Variants in CCDC80 observed in about 807,000 individuals in gnomAD.
The protein encoded by CCDC80 is coiled-coil domain-containing protein 80.
In CCDC80, 49 loss-of-function variants were observed where a neutral mutation model predicts 78.7. The observed-to-expected ratio is 0.62, with a 90% CI of 0.50 to 0.79. CCDC80 has a LOEUF of 0.79. CCDC80 is among the 30% of genes least tolerant of loss of function. CCDC80 has a pLI of 0.00. For synonymous variants in CCDC80, 488 were observed against 447.0 expected, an observed-to-expected ratio of 1.09 and a Z score of -1.16; for missense variants, 1,205 against 1,198.6, an observed-to-expected ratio of 1.01 and a Z score of -0.08.
In CCDC80 at chr3:112,638,460, T is replaced by C. The variant is rs1258832726; in HGVS notation, c.1446A>G (p.Pro482=). ...TCTCCTTTGCTGGCTTGGGAGGACC[T>C]GGCACCACATTTGGGTCTCGGTGGC... The part of the protein sequence containing the change: ...EHGHRDPNVV[P]GPPKPAKEKP... The change falls in exon 2 of 8, where the codon CCA becomes CCG. Residue 482 remains proline (P), a synonymous_variant. Transcript: ENST00000206423. 6.2e-7 allele frequency: 1 copy of C among 1,612,812 alleles called. No individual in the cohort carries two copies. The highest frequency in any genetic ancestry group is 1.7e-5 in the Admixed American group (1 of 59,906).
chr3:112,619,899 T>C (rs1935828282), intron 3 of CCDC80, among the ~76,000 whole-genome samples: 1 of 152,198 alleles, frequency 6.6e-6, no homozygotes, highest in Admixed American at 6.5e-5. Context: ...AAGAGCTTTA[T>C]TTACTTCTTC....
intron 5 of CCDC80, among the ~76,000 whole-genome samples, chr3:112,615,734 C>G (rs753583558): frequency 6.6e-6 from 1 of 152,116 alleles, no homozygotes; most frequent in African/African-American, 2.4e-5. Context: ...CCAAAATCCA[C>G]CAAAATCAAA....
Position 112,605,526 on chromosome 3 carries a change from T to G in CCDC80, c.2744A>C (p.Glu915Ala). The G allele has an allele frequency of 6.2e-7, 1 of 1,614,216 alleles. No individual in the cohort carries two copies. Residue 915 changes from glutamate to alanine, a missense_variant, in exon 8 of 8, where the codon GAA (glutamate) becomes GCA (alanine). By Grantham distance (107) the Glu-to-Ala change is moderately radical. Coordinates refer to ENST00000206423, the MANE Select transcript of CCDC80 (RefSeq NM_199511.3). The part of the protein sequence containing the change: ...IQQSLGMRCP[E>A]DEYAGYGYHS... Reference sequence around the variant, plus strand: ...GTAACCATAGCCTGCATACTCATCTTCTGGGCAGCGCATCCCCAGTGACTG... The same window carrying G: ...GTAACCATAGCCTGCATACTCATCTGCTGGGCAGCGCATCCCCAGTGACTG...
rs1218114017 is a variant in CCDC80, at chr3:112,624,097, A to C, written c.2036-4993T>G. Among the ~76,000 whole-genome samples the C allele has an allele frequency of 2.0e-5, 3 of 152,342 alleles. No homozygotes were observed. In the East Asian group the frequency reaches 5.8e-4, roughly 29 times the overall value. ...CATAAGAAAGATATATGAAAAAGACAGTAATAAGGTATAGATAAGGTGAGT... is the reference window on the plus strand; with the variant it reads ...CATAAGAAAGATATATGAAAAAGACCGTAATAAGGTATAGATAAGGTGAGT... On this transcript the variant is annotated intron_variant, in intron 3 of 7. Transcript: ENST00000206423.
intron 2 of CCDC80, among the ~76,000 whole-genome samples, chr3:112,635,067 A>T (rs544133331): frequency 3.3e-5 from 5 of 152,310 alleles, no homozygotes; most frequent in African/African-American, 1.2e-4. Flanking sequence ...TAATCTAAAA[A>T]TAGGACACCT....
chr3:112,626,904 A>AT (rs1935987080), intron 3 of CCDC80, among the ~76,000 whole-genome samples: 1 of 151,934 alleles, frequency 6.6e-6, no homozygotes, highest in African/African-American at 2.4e-5. Flanking sequence ...AGAAATCAAC[A>AT]TTTTCTCTCT....
rs767380051 is a variant in CCDC80, at chr3:112,601,697, G to GAAAAAA, written c.*3719_*3720insTTTTTT. On this transcript the variant is annotated 3_prime_UTR_variant, in exon 8 of 8. Transcript: ENST00000206423. The stretch of plus-strand genomic sequence containing the variant: ...CTCTCCAAAAAAAGAAAAAAAAAAA[G>GAAAAAA]AGAAAAAAAAGAAGCAGCAGCAACG... The GAAAAAA allele has an allele frequency of 6.5e-5, 3 of 46,140 alleles. No homozygotes were observed. The highest frequency in any genetic ancestry group is 1.2e-4 in the African/African-American group (3 of 25,442). The allele number at this position is 46,140 out of a possible 1,614,324, so 2.9% of individuals were successfully genotyped here. A position where few individuals can be genotyped will look rare whatever the true frequency, so the allele number is the denominator to read the frequency against.
At chr3:112,621,787 A>G (rs1168742651) in intron 3 of CCDC80, among the ~76,000 whole-genome samples, 1 of 152,146 alleles carries the variant, frequency 6.6e-6, no homozygotes, top group Non-Finnish European at 1.5e-5. Flanking sequence ...CCCCTACCAT[A>G]GGACAGCTCA....
intron 3 of CCDC80, among the ~76,000 whole-genome samples, chr3:112,627,686 T>C (rs1002621317): frequency 2.0e-5 from 3 of 152,200 alleles, no homozygotes; most frequent in Admixed American, 6.5e-5. Flanking sequence ...CTCCCAGTCT[T>C]GGCTCACAGT....
chr3:112,638,922 C>T lies in CCDC80; in HGVS notation c.984G>A (p.Val328=). 6.2e-7 allele frequency: 1 copy of T among 1,613,320 alleles called. No individual in the cohort carries two copies. ...AQVPPTRESR[V]KVLRKLAATA... ...TGGCGGCCAGTTTTCTCAGGACCTT[C>T]ACCCGACTCTCTCTGGTTGGTGGGA... The change falls in exon 2 of 8, where the codon GTG becomes GTA. Residue 328 remains valine, a synonymous_variant. Coordinates refer to ENST00000206423, the MANE Select transcript of CCDC80 (RefSeq NM_199511.3).
rs190345309 is a variant in CCDC80, at chr3:112,640,040, T to G, written c.-11-124A>C. 2.1e-6 allele frequency: 3 copies of G among 1,437,810 alleles called. No homozygotes were observed. In the African/African-American group the frequency reaches 4.3e-5, roughly 21 times the overall value. 89.1% of individuals were successfully genotyped at this position (1,437,810 alleles called of 1,614,324 possible). A position where few individuals can be genotyped will look rare whatever the true frequency, so the allele number is the denominator to read the frequency against. ...CTCAGCCAAGGGGAGGGGAAAAGGT[T>G]GGTTAGAGAGAAGGAGGGAGGTCAG... On this transcript the variant is annotated intron_variant, in intron 1 of 7. Transcript: ENST00000206423.
chr3:112,639,169 T>G lies in CCDC80; in HGVS notation c.737A>C (p.Glu246Ala). 5 of 1,614,096 alleles carry G rather than the reference T, an allele frequency of 3.1e-6. No homozygotes were observed. The highest frequency in any genetic ancestry group is 4.2e-6 in the Non-Finnish European group (5 of 1,180,014). The change falls in exon 2 of 8, where the codon GAG becomes GCG. Residue 246 changes from glutamate (E) to alanine (A), a missense_variant. Coordinates refer to ENST00000206423, the MANE Select transcript of CCDC80 (RefSeq NM_199511.3). ...CAGCCTAACGGGATATGGATAGCGC[T>G]CCTCCACCTGCAGCGTCTTCTTCAG... ...VLLKKTLQVEERYPYPVRLEA... is the reference protein window; with the variant it reads ...VLLKKTLQVEARYPYPVRLEA...
rs1207273089 is a variant in CCDC80, at chr3:112,597,231, C to T, written c.*8186G>A. On this transcript the variant is annotated 3_prime_UTR_variant, in exon 8 of 8. Transcript: ENST00000206423. ...TTTTCTGGTCTAATTAAACCATAGTCTTCATATACCTTTACCACGCCTCCT... is the reference window on the plus strand; with the variant it reads ...TTTTCTGGTCTAATTAAACCATAGTTTTCATATACCTTTACCACGCCTCCT... 6.6e-6 allele frequency: 1 copy of T among 152,174 alleles called. No homozygotes were observed. Among genetic ancestry groups the T allele is most frequent in the Non-Finnish European group, 1.5e-5 (1 of 68,034 alleles). 9.4% of individuals were successfully genotyped at this position (152,174 alleles called of 1,614,324 possible).
intron 3 of CCDC80, among the ~76,000 whole-genome samples, chr3:112,624,421 A>C (rs1447163233): frequency 6.6e-6 from 1 of 152,202 alleles, no homozygotes; most frequent in Non-Finnish European, 1.5e-5. Flanking sequence ...CATTGCCAGG[A>C]GTGCTGAGCA....
chr3:112,613,020 A>G (rs1576782551), intron 5 of CCDC80, among the ~76,000 whole-genome samples: 1 of 152,100 alleles, frequency 6.6e-6, no homozygotes. Context: ...TTTATTGACT[A>G]CTTGCTTTGT....
At chr3:112,615,687 A>G (rs113513875) in intron 5 of CCDC80, among the ~76,000 whole-genome samples, 2,467 of 152,204 alleles carry the variant, frequency 0.016, 65 homozygotes, top group African/African-American at 0.056. Flanking sequence ...GGTCATAAAG[A>G]CCTTGCTGAT....
At chr3:112,634,667 C>T (rs1936169713) in intron 2 of CCDC80, among the ~76,000 whole-genome samples, 1 of 152,158 alleles carries the variant, frequency 6.6e-6, no homozygotes, top group South Asian at 2.1e-4. Context: ...TCAAGGTTGA[C>T]AATGAATTTT....
rs960463180 is a variant in CCDC80 at position 112,598,564 on chromosome 3, G to A, written c.*6853C>T. ...TCTTCATCCGGCTCCCTTGGCATAT[G>A]TATCAGCCCATGGATTGGGAGGTGT... On this transcript the variant is annotated 3_prime_UTR_variant, in exon 8 of 8. Transcript: ENST00000206423. 1.1e-4 allele frequency: 17 copies of A among 152,320 alleles called. No individual in the cohort carries two copies. The highest frequency in any genetic ancestry group is 4.1e-4 in the African/African-American group (17 of 41,452). The allele number at this position is 152,320 out of a possible 1,614,324, so 9.4% of individuals were successfully genotyped here.
Position 112,605,279 on chromosome 3 carries a change from CTATT to C in CCDC80, c.*134_*137del, listed in dbSNP as rs1935457558. The C allele has an allele frequency of 1.7e-6, 1 of 581,558 alleles. No homozygotes were observed. The highest frequency in any genetic ancestry group is 1.9e-5 in the African/African-American group (1 of 53,482). 36.0% of individuals were successfully genotyped at this position (581,558 alleles called of 1,614,324 possible). ...TAACTCATGAATAGGTGAAAGTTTG[CTATT>C]TATTTAGTCTTAGAAAAACACTGAA... On this transcript the variant is annotated 3_prime_UTR_variant, in exon 8 of 8. Transcript: ENST00000206423.
Sources: allele counts gnomAD v4.1 joint callset (sites outside exome capture counted in the v4.1 genomes callset), GRCh38; gene constraint gnomAD v4.1.1; transcripts MANE v1.5; gene names NCBI Gene and HGNC (gene_info 2026-07-23, HGNC 2026-07-21).